The following TNC variants were observed in gnomAD, a reference collection of about 807,000 sequenced individuals.
The protein encoded by TNC is tenascin.
A neutral mutation model predicts 202.4 loss-of-function variants in TNC; 109 were observed. The observed-to-expected ratio is 0.54, with a 90% CI of 0.46 to 0.63. TNC has a LOEUF of 0.63. TNC is among the 30% of genes least tolerant of loss of function. The probability of loss-of-function intolerance (pLI) is 0.00; values close to 1 mark genes in which losing one functional copy is unlikely to be tolerated. For synonymous variants in TNC, 1,007 were observed against 1,089.7 expected (o/e 0.92, Z 1.50); for missense variants, 2,756 against 2,833.3 (o/e 0.97, Z 0.62).
Position 115,086,186 on chromosome 9 carries a change from C to T in TNC, c.1545G>A (p.Gln515=), listed in dbSNP as rs759225315. The change falls in exon 3 of 28, where the codon CAG becomes CAA. Residue 515 remains glutamine, a synonymous_variant. Transcript: ENST00000350763. ...CGGTGAAGCCGTCCTCACAGACGCACTGTCCGTCCACACAGAGGCCCCTGT... is the reference window on the plus strand; with the variant it reads ...CGGTGAAGCCGTCCTCACAGACGCATTGTCCGTCCACACAGAGGCCCCTGT... ...CSNRGLCVDG[Q]CVCEDGFTGP... 1.2e-6 allele frequency: 2 copies of T among 1,614,200 alleles called. No individual in the cohort carries two copies. Among genetic ancestry groups the T allele is most frequent in the Non-Finnish European group, 1.7e-6 (2 of 1,180,046 alleles).
rs1834031083 is a variant in TNC at position 115,078,206 on chromosome 9, T to G, written c.2411A>C (p.Asp804Ala). The change falls in exon 7 of 28, where the codon GAT becomes GCT. Residue 804 changes from aspartate (D) to alanine (A), a missense_variant. Around this residue, in one of 2 missense-constraint regions of TNC, gnomAD observed 2,559 missense variants for 2,546.0 expected, o/e 1.01. Coordinates refer to ENST00000350763, the MANE Select transcript of TNC (RefSeq NM_002160.4). ...GLKRVTTTRL[D>A]APSQIEVKDV... ...TTTCACCTCGATCTGGCTGGGGGCATCCAAGCCTATGATGGGCAGAGGACA... is the reference window on the plus strand; with the variant it reads ...TTTCACCTCGATCTGGCTGGGGGCAGCCAAGCCTATGATGGGCAGAGGACA... 1 of 1,604,086 alleles carries G rather than the reference T, an allele frequency of 6.2e-7. No individual in the cohort carries two copies. The highest frequency in any genetic ancestry group is 1.1e-5 in the South Asian group (1 of 90,430).
At chr9:115,099,237 C>T (rs568552414) in intron 1 of TNC, among the ~76,000 whole-genome samples, 12 of 152,160 alleles carry the variant, frequency 7.9e-5, no homozygotes, top group East Asian at 1.9e-4. Flanking sequence ...AGTGTAAGAA[C>T]GGGCTATGGG....
intron 17 of TNC, among the ~76,000 whole-genome samples, chr9:115,044,614 G>C (rs1292047455): frequency 6.6e-6 from 1 of 151,906 alleles, no homozygotes; most frequent in Non-Finnish European, 1.5e-5. Context: ...AAAAAGATCA[G>C]CAAAACAAAT....
rs753044795 is a variant in TNC, at chr9:115,086,903, G to T, written c.828C>A (p.Gly276=). 4 of 1,613,854 alleles carry T rather than the reference G, an allele frequency of 2.5e-6. No homozygotes were observed. Among genetic ancestry groups the T allele is most frequent in the Non-Finnish European group, 3.4e-6 (4 of 1,180,050 alleles). The change falls in exon 3 of 28, where the codon GGC becomes GGA. Residue 276 remains glycine, a synonymous_variant. Coordinates refer to ENST00000350763, the MANE Select transcript of TNC (RefSeq NM_002160.4). Reference sequence around the variant, plus strand: ...GACACAGAGGCTTGTTGCAGTCATCGCCTGCAAAGCCATCGTGGCACACAC... The same window carrying T: ...GACACAGAGGCTTGTTGCAGTCATCTCCTGCAAAGCCATCGTGGCACACAC... ...GLCVCHDGFA[G]DDCNKPLCLN... is the part of the protein sequence containing the mutation.
intron 7 of TNC, among the ~76,000 whole-genome samples, chr9:115,077,558 A>G (rs1833971697): frequency 6.6e-6 from 1 of 152,262 alleles, no homozygotes; most frequent in Non-Finnish European, 1.5e-5. Flanking sequence ...TGAATGAAAA[A>G]TTGACACTTT....
chr9:115,111,297 C>T (rs1378636746), intron 1 of TNC, among the ~76,000 whole-genome samples: 2 of 150,450 alleles, frequency 1.3e-5, no homozygotes, highest in Non-Finnish European at 3.0e-5. Flanking sequence ...TGACTTTCTT[C>T]TAACAAACAG....
At chr9:115,052,886 T>C (rs1054081903) in intron 15 of TNC, 1 of 702,626 alleles carries the variant, frequency 1.4e-6, no homozygotes, top group Admixed American at 2.0e-5. Flanking sequence ...CTGGGACTCA[T>C]GCAGTGAGTG....
At chr9:115,079,137 T>C (rs12340324) in intron 6 of TNC, among the ~76,000 whole-genome samples, 13,456 of 152,134 alleles carry the variant, frequency 0.088, 652 homozygotes, top group Middle Eastern at 0.16. Context: ...TATTCATTGA[T>C]TGAGAGAGTG....
intron 1 of TNC, among the ~76,000 whole-genome samples, chr9:115,117,389 G>T (rs958920291): frequency 2.0e-5 from 3 of 152,210 alleles, no homozygotes; most frequent in African/African-American, 7.2e-5. Flanking sequence ...CCACTCTCTA[G>T]CTGCCTGTCA....
chr9:115,042,228 T>C lies in TNC; in HGVS notation c.5239A>G (p.Ile1747Val). The change falls in exon 18 of 28, where the codon ATT becomes GTT. Residue 1747 changes from isoleucine to valine, a missense_variant. By Grantham distance (29) the Ile-to-Val change is conservative (BLOSUM62 3). Coordinates refer to ENST00000350763, the MANE Select transcript of TNC (RefSeq NM_002160.4). ...TTTCCGAGTCTCCTACCTCCTGTAA[T>C]GGGCACATAGGTAATCCGGAAGCTC... ...VESFRITYVPITGGTPSMVTV... is the reference protein window; with the variant it reads ...VESFRITYVPVTGGTPSMVTV... The C allele has an allele frequency of 1.2e-6, 2 of 1,613,998 alleles. No individual in the cohort carries two copies. Among genetic ancestry groups the C allele is most frequent in the Non-Finnish European group, 1.7e-6 (2 of 1,179,904 alleles).
intron 3 of TNC, 142 bp from the exon 4 acceptor site, chr9:115,084,614 G>T: frequency 9.9e-7 from 1 of 1,012,672 alleles, no homozygotes; most frequent in Non-Finnish European, 1.4e-6. Flanking sequence ...TGGCATCAGG[G>T]ACCCCCTGCT....
At chr9:115,056,980 A>G (rs1438024451) in intron 15 of TNC, among the ~76,000 whole-genome samples, 173 bp downstream of exon 15, 4 of 152,212 alleles carry the variant, frequency 2.6e-5, no homozygotes, top group Non-Finnish European at 5.9e-5. Flanking sequence ...ATGGCAATGC[A>G]TTATTTGGGC....
intron 11 of TNC, 114 bp from the exon 12 acceptor site, chr9:115,064,182 T>C: frequency 9.3e-7 from 1 of 1,074,846 alleles, no homozygotes; most frequent in South Asian, 1.8e-5. Flanking sequence ...TGACTTTCTT[T>C]AGATAAACAT....
intron 1 of TNC, among the ~76,000 whole-genome samples, chr9:115,115,354 C>T (rs868310875): frequency 3.9e-5 from 6 of 152,154 alleles, no homozygotes; most frequent in African/African-American, 7.2e-5. Flanking sequence ...AGAAGGAACA[C>T]GGCAGAATGT....
chr9:115,099,375 A>T (rs1836050749), intron 1 of TNC, among the ~76,000 whole-genome samples: 1 of 152,178 alleles, frequency 6.6e-6, no homozygotes, highest in East Asian at 1.9e-4. Context: ...ATAAATACTA[A>T]CATGGACAAA....
intron 14 of TNC, 73 bp downstream of exon 14, chr9:115,059,657 G>A: frequency 6.9e-7 from 1 of 1,451,770 alleles, no homozygotes; most frequent in Non-Finnish European, 9.3e-7. Context: ...GCGAGATGCT[G>A]ACTCCGCGCA....
rs1830494439 is a variant in TNC, at chr9:115,038,429, A to G, written c.5393-49T>C. Reference sequence around the variant, plus strand: ...GAGGGAAGTCATTGGGTGGGACATCAGACTCTAGCTGCTCTGCTGTCCACA... The same window carrying G: ...GAGGGAAGTCATTGGGTGGGACATCGGACTCTAGCTGCTCTGCTGTCCACA... On this transcript the variant is annotated intron_variant, in intron 19 of 27. Transcript: ENST00000350763. The G allele has an allele frequency of 6.9e-6, 11 of 1,603,696 alleles. No individual in the cohort carries two copies. The East Asian group carries it at 2.5e-4, about 36-fold the overall frequency.
intron 22 of TNC, among the ~76,000 whole-genome samples, chr9:115,034,753 T>C (rs1194922377): frequency 3.3e-5 from 5 of 152,114 alleles, no homozygotes; most frequent in Admixed American, 6.5e-5. Context: ...AGAAAGAAAA[T>C]TCTTGGGTAG....
At chr9:115,098,521 C>T (rs1835966644) in intron 1 of TNC, among the ~76,000 whole-genome samples, 1 of 152,192 alleles carries the variant, frequency 6.6e-6, no homozygotes, top group Non-Finnish European at 1.5e-5. Context: ...GGAGAATAAA[C>T]AACTTCATTT....
Sources: gnomAD v4.1 joint callset for allele counts (sites outside exome capture counted in the v4.1 genomes callset) on GRCh38, gnomAD v4.1.1 for gene constraint, gnomAD v4.1.1 regional missense constraint, MANE v1.5 for transcripts, NCBI Gene and HGNC (gene_info 2026-07-23, HGNC 2026-07-21) for gene names.